The following NPC1 variants were observed in gnomAD, a reference collection of about 807,000 sequenced individuals.
The protein encoded by NPC1 is Niemann-Pick C1 protein.
NPC1 carries 85 observed loss-of-function variants against 140.4 expected under a neutral mutation model. The observed-to-expected ratio is 0.61, with a 90% CI of 0.51 to 0.72. The LOEUF is 0.72. Ranked by LOEUF, NPC1 falls within the 30% of genes least tolerant of loss-of-function variation. The pLI is 0.00. For missense variants in NPC1, 1,504 were observed against 1,623.8 expected (o/e 0.93, Z 1.27); for synonymous variants, 656 against 624.8 (o/e 1.05, Z -0.74).
intron 1 of NPC1, among the ~76,000 whole-genome samples, chr18:23,574,452 AAAAC>A (rs1258712440): frequency 2.0e-5 from 3 of 152,268 alleles, no homozygotes; most frequent in Non-Finnish European, 2.9e-5. Flanking sequence ...CCATAAAAAA[AAAAC>A]AAATCTGAAC....
rs1279933120 is a variant in NPC1, at chr18:23,557,141, A to C, written c.931T>G (p.Phe311Val). ...CCTTTGTCACTTGCATTAACAGAAA[A>C]AGCTATATTGCTATCGATGGGAGTG... ...EYTPIDSNIA[F>V]SVNASDKGEA... Residue 311 changes from phenylalanine (F) to valine (V), a missense_variant, in exon 7 of 25, where the codon TTT becomes GTT. Physicochemically the swap from Phe to Val is conservative, Grantham distance 50. Coordinates refer to ENST00000269228, the MANE Select transcript of NPC1 (RefSeq NM_000271.5). The C allele has an allele frequency of 6.2e-7, 1 of 1,613,864 alleles. No individual in the cohort carries two copies. The highest frequency in any genetic ancestry group is 8.5e-7 in the Non-Finnish European group (1 of 1,179,836).
chr18:23,577,728 G>A (rs913478513), intron 1 of NPC1, among the ~76,000 whole-genome samples: 6 of 141,206 alleles, frequency 4.2e-5, no homozygotes, highest in African/African-American at 7.4e-5. Context: ...CCACGGAGGG[G>A]GTGGGAGGCT....
chr18:23,556,144 C>A, intron 8 of NPC1, 99 bp downstream of exon 8: 1 of 1,059,646 alleles, frequency 9.4e-7, no homozygotes, highest in Non-Finnish European at 1.5e-6. Flanking sequence ...TATACCATGA[C>A]ATTCAGCCCC....
chr18:23,571,896 A>C (rs1425159407), intron 3 of NPC1, among the ~76,000 whole-genome samples, 178 bp downstream of exon 3: 1 of 151,460 alleles, frequency 6.6e-6, no homozygotes, highest in African/African-American at 2.4e-5. Context: ...TATTTTTAAT[A>C]CATAAATATA....
chr18:23,532,932 A>G (rs2058560090), intron 24 of NPC1: 1 of 985,394 alleles, frequency 1.0e-6, no homozygotes, highest in African/African-American at 1.7e-5. Flanking sequence ...CTCGAGATGA[A>G]GAAAGGCAGC....
At chr18:23,512,479 G>A (rs187323833) in intron 3 of NPC1, among the ~76,000 whole-genome samples, 12 of 152,268 alleles carry the variant, frequency 7.9e-5, no homozygotes, top group African/African-American at 2.4e-4. Context: ...GGAGTACAGT[G>A]GCACAATCAC....
chr18:23,571,216 AAAC>A lies in NPC1; in HGVS notation c.287+855_287+857del, dbSNP rs2059197483. On this transcript the variant is annotated intron_variant, in intron 3 of 24. Coordinates refer to ENST00000269228, the MANE Select transcript of NPC1 (RefSeq NM_000271.5). ...ATTGTAAGAGTGCTTTCTTAAAACAAAACAAAAACTGACTTTAAAAAAAAAAAA... is the reference window on the plus strand; with the variant it reads ...ATTGTAAGAGTGCTTTCTTAAAACAAAAAAACTGACTTTAAAAAAAAAAAA... Among the ~76,000 whole-genome samples, 3 of 130,170 alleles carry A rather than the reference AAAC, an allele frequency of 2.3e-5. No homozygotes were observed. The South Asian group carries it at 7.9e-4, about 34-fold the overall frequency. The allele number at this position is 130,170 out of a possible 152,430, so 85.4% of individuals were successfully genotyped here. A position where few individuals can be genotyped will look rare whatever the true frequency, so the allele number is the denominator to read the frequency against.
At chr18:23,567,600 GTCTTCAA>G (rs1367469344) in intron 4 of NPC1, among the ~76,000 whole-genome samples, 2 of 152,228 alleles carry the variant, frequency 1.3e-5, no homozygotes, top group African/African-American at 4.8e-5. Flanking sequence ...CGTTCTTGAG[GTCTTCAA>G]TTTTTCACAA....
chr18:23,554,256 T>C (rs2058916746), intron 9 of NPC1, among the ~76,000 whole-genome samples: 1 of 152,094 alleles, frequency 6.6e-6, no homozygotes, highest in Admixed American at 6.6e-5. Flanking sequence ...AGCACTAATC[T>C]CTAGCTGGCA....
At chr18:23,570,771 T>TAC (rs1304546100) in intron 3 of NPC1, among the ~76,000 whole-genome samples, 1 of 152,238 alleles carries the variant, frequency 6.6e-6, no homozygotes, top group Admixed American at 6.5e-5. Context: ...GAACATCTAT[T>TAC]ACCAAGCCCT....
downstream of NPC1, chr18:23,527,665 TAG>T (rs2058345623): frequency 5.1e-6 from 3 of 583,550 alleles, no homozygotes; most frequent in Non-Finnish European, 8.7e-6. Context: ...GTCTTTAAAG[TAG>T]AGTGTCCTTT....
At position 23,544,947 on chromosome 18, in the gene NPC1, C is replaced by CCA. The variant is rs1555634659; in HGVS notation, c.1947+12_1947+13insTG. ...TTAACCTCTAGAACATACACCACCC[C>CCA]CCCCCGGCTTACCAGAAGCCTGCGA... On this transcript the variant is annotated intron_variant, in intron 12 of 24. Transcript: ENST00000269228. The CCA allele has an allele frequency of 1.5e-5, 21 of 1,359,484 alleles. 1 individual carries two copies. Among genetic ancestry groups the CCA allele is most frequent in the Non-Finnish European group, 1.9e-5 (18 of 963,792 alleles). The allele number at this position is 1,359,484 out of a possible 1,614,324, so 84.2% of individuals were successfully genotyped here. A position where few individuals can be genotyped will look rare whatever the true frequency, so the allele number is the denominator to read the frequency against.
At chr18:23,522,952 CCTTTTT>C (rs1386162300) in intron 1 of NPC1, 4 of 152,250 alleles carry the variant, frequency 2.6e-5, no homozygotes, top group South Asian at 2.1e-4. Context: ...AGTCAGCCAC[CCTTTTT>C]CTTTTTGTTT....
intron 1 of NPC1, among the ~76,000 whole-genome samples, chr18:23,580,299 C>T (rs367680811): frequency 1.4e-3 from 206 of 152,256 alleles, no homozygotes; most frequent in Non-Finnish European, 2.3e-3. Flanking sequence ...CCTGCCTCCC[C>T]TACCCCCAGC....
At position 23,545,065 on chromosome 18, in the gene NPC1, A is replaced by G. The variant is rs1373458567; in HGVS notation, c.1842T>C (p.Asn614=). 4 of 1,611,918 alleles carry G rather than the reference A, an allele frequency of 2.5e-6. No homozygotes were observed. The highest frequency in any genetic ancestry group is 3.4e-6 in the Non-Finnish European group (4 of 1,178,394). The change falls in exon 12 of 25, where the codon AAT becomes AAC. Residue 614 remains asparagine (N), a synonymous_variant. Coordinates refer to ENST00000269228, the MANE Select transcript of NPC1 (RefSeq NM_000271.5). ...TAERSIEDEL[N]RESDSDVFTV... ...TGAAGACATCACTGTCACTTTCACG[A>G]TTTAGTTCATCTTCAATACTTCGTT...
intron 1 of NPC1, among the ~76,000 whole-genome samples, chr18:23,574,272 T>G (rs1416956268): frequency 6.6e-6 from 1 of 152,150 alleles, no homozygotes; most frequent in African/African-American, 2.4e-5. Flanking sequence ...GTCAGTGCCT[T>G]GCTCTGAAGG....
Position 23,556,243 on chromosome 18 carries a change from C to T in NPC1, c.1326G>A (p.Gln442=). 1 of 1,613,886 alleles carries T rather than the reference C, an allele frequency of 6.2e-7. No homozygotes were observed. Among genetic ancestry groups the T allele is most frequent in the Non-Finnish European group, 8.5e-7 (1 of 1,179,868 alleles). ...CTTATTTCTTCAAACAGCAGGTTACCTGGTGCAGTATCTGTATGTCAAGCG... is the reference window on the plus strand; with the variant it reads ...CTTATTTCTTCAAACAGCAGGTTACTTGGTGCAGTATCTGTATGTCAAGCG... ...GPPLDIQILH[Q]VLDLQIAIEN... is the part of the protein sequence containing the mutation. The change falls in exon 8 of 25, where the codon CAG becomes CAA. Residue 442 remains glutamine, a splice_region_variant and synonymous_variant. Transcript: ENST00000269228.
intron 3 of NPC1, among the ~76,000 whole-genome samples, chr18:23,514,284 G>A (rs1270236477): frequency 6.6e-6 from 1 of 152,250 alleles, no homozygotes; most frequent in Non-Finnish European, 1.5e-5. Context: ...GGGAGGCCGA[G>A]GTGGGCGATC....
In NPC1 at chr18:23,541,355, T is replaced by G. The variant is rs80358253; in HGVS notation, c.2324A>C (p.Gln775Pro). ...GLAVFIDFLL[Q>P]ITCFVSLLGL... ...CAAGAGACTCACGAAACAGGTAATC[T>G]GCAGAAGAAAGTCAATGAAGACTGC... The change falls in exon 15 of 25, where the codon CAG becomes CCG. Residue 775 changes from glutamine to proline, a missense_variant. Coordinates refer to ENST00000269228, the MANE Select transcript of NPC1 (RefSeq NM_000271.5). The G allele has an allele frequency of 3.7e-6, 6 of 1,614,134 alleles. No homozygotes were observed. Among genetic ancestry groups the G allele is most frequent in the Admixed American group, 1.7e-5 (1 of 60,004 alleles).
Sources: allele counts gnomAD v4.1 joint callset (sites outside exome capture counted in the v4.1 genomes callset), GRCh38; gene constraint gnomAD v4.1.1; transcripts MANE v1.5; gene names NCBI Gene and HGNC (gene_info 2026-07-23, HGNC 2026-07-21).